The following TANGO6 variants were observed in gnomAD, a reference collection of about 807,000 sequenced individuals.
TANGO6 encodes transport and golgi organization 6 homolog, also known as transport and Golgi organization protein 6 homolog.
TANGO6 carries 90 observed loss-of-function variants against 114.2 expected under a neutral mutation model. The observed-to-expected ratio is 0.79, with a 90% confidence interval of 0.66 to 0.94. TANGO6 has a LOEUF of 0.94. TANGO6 is among the 40% of genes least tolerant of loss of function. TANGO6 has a pLI of 0.00. For synonymous variants in TANGO6, 477 were observed against 509.8 expected (o/e 0.94, Z 0.87); for missense variants, 1,274 against 1,315.3 (o/e 0.97, Z 0.49).
intron 17 of TANGO6, among the ~76,000 whole-genome samples, chr16:69,042,747 T>C (rs1959793283): frequency 6.6e-6 from 1 of 152,162 alleles, no homozygotes; most frequent in Admixed American, 6.6e-5. Flanking sequence ...GAATCCACTG[T>C]ATGAGAGGGA....
intron 7 of TANGO6, 89 bp downstream of exon 7, chr16:68,880,719 C>A: frequency 1.2e-6 from 1 of 856,310 alleles, no homozygotes; most frequent in South Asian, 2.4e-5. Context: ...ATGGTGGGGT[C>A]TCACCACGTT....
chr16:68,865,960 C>T (rs1211196263), intron 3 of TANGO6, among the ~76,000 whole-genome samples: 1 of 151,998 alleles, frequency 6.6e-6, no homozygotes, highest in Non-Finnish European at 1.5e-5. Flanking sequence ...AACTGTGTCA[C>T]AGGAATCAGA....
At chr16:68,978,857 CT>C (rs1300330262) in intron 15 of TANGO6, among the ~76,000 whole-genome samples, 4 of 150,292 alleles carry the variant, frequency 2.7e-5, no homozygotes, top group Non-Finnish European at 4.4e-5. Flanking sequence ...TCAGCAGGAG[CT>C]TTTTTTCTTT....
At chr16:68,909,515 G>T (rs1051283062) in intron 11 of TANGO6, 113 bp downstream of exon 11, 3 of 1,032,556 alleles carry the variant, frequency 2.9e-6, no homozygotes, top group Middle Eastern at 3.4e-4. Flanking sequence ...GGTGTTTCCT[G>T]GAATGCTGGT....
intron 11 of TANGO6, among the ~76,000 whole-genome samples, chr16:68,916,114 A>G (rs1054064306): frequency 1.3e-5 from 2 of 152,192 alleles, no homozygotes; most frequent in African/African-American, 4.8e-5. Flanking sequence ...GCTATATAAA[A>G]TCTTGTCTAG....
rs536677611 is a variant in TANGO6, at chr16:68,866,975, CTTTTTTTT to C, written c.853-86_853-79del. The stretch of plus-strand genomic sequence containing the variant: ...AGTCTGCATATCATAGCTATTTCTC[CTTTTTTTT>C]TTTTTTTTTTTTTTTTTACAGGCAT... On this transcript the variant is annotated intron_variant, in intron 3 of 17. Coordinates refer to ENST00000261778, the MANE Select transcript of TANGO6 (RefSeq NM_024562.2). 1,119 of 227,426 alleles carry C rather than the reference CTTTTTTTT, an allele frequency of 4.9e-3. 14 individuals carry two copies. The highest frequency in any genetic ancestry group is 0.034 in the African/African-American group (1,024 of 30,352). The allele number at this position is 227,426 out of a possible 1,614,324, so 14.1% of individuals were successfully genotyped here. A position where few individuals can be genotyped will look rare whatever the true frequency, so the allele number is the denominator to read the frequency against.
chr16:69,057,918 C>T (rs908110777), intron 17 of TANGO6, among the ~76,000 whole-genome samples: 3 of 152,154 alleles, frequency 2.0e-5, no homozygotes, highest in African/African-American at 7.2e-5. Context: ...CCACAGACTA[C>T]GCGATTCAGC....
chr16:68,875,711 G>T (rs895478196), intron 5 of TANGO6, among the ~76,000 whole-genome samples: 1 of 151,680 alleles, frequency 6.6e-6, no homozygotes, highest in Non-Finnish European at 1.5e-5. Context: ...GGAGGTTGCC[G>T]TGAGCCGAGA....
intron 17 of TANGO6, among the ~76,000 whole-genome samples, chr16:69,045,248 A>G (rs1166578923): frequency 6.8e-6 from 1 of 146,904 alleles, no homozygotes; most frequent in Non-Finnish European, 1.5e-5. Flanking sequence ...AGGTCAGAAG[A>G]TAGAGACCAT....
chr16:69,012,097 C>A (rs1238688870), intron 15 of TANGO6, among the ~76,000 whole-genome samples: 1 of 152,162 alleles, frequency 6.6e-6, no homozygotes, highest in African/African-American at 2.4e-5. Flanking sequence ...GTGCTGACTT[C>A]CTGAGAATAG....
chr16:68,850,043 C>T (rs368488693), intron 1 of TANGO6, among the ~76,000 whole-genome samples: 16 of 149,754 alleles, frequency 1.1e-4, no homozygotes, highest in African/African-American at 3.9e-4. Flanking sequence ...GCTCAATCTC[C>T]GCTCACCACA....
intron 7 of TANGO6, among the ~76,000 whole-genome samples, chr16:68,891,057 C>T (rs1166586105): frequency 3.3e-5 from 5 of 149,760 alleles, no homozygotes; most frequent in Non-Finnish European, 7.4e-5. Context: ...TTTGGGAGGC[C>T]GAGGTGGGGG....
intron 15 of TANGO6, among the ~76,000 whole-genome samples, chr16:68,988,692 C>CTCTTT (rs776428911): frequency 1.5e-4 from 17 of 112,442 alleles, no homozygotes; most frequent in African/African-American, 5.7e-4. Context: ...TTCTCTCTCT[C>CTCTTT]TTTTTTTTTT....
chr16:68,930,792 C>T (rs571029938), intron 14 of TANGO6, among the ~76,000 whole-genome samples: 21 of 152,020 alleles, frequency 1.4e-4, no homozygotes, highest in Admixed American at 6.6e-4. Context: ...CCCGCCACCA[C>T]GCCCAGCTAA....
intron 17 of TANGO6, among the ~76,000 whole-genome samples, chr16:69,060,499 G>T (rs140491348): frequency 1.3e-5 from 2 of 151,832 alleles, no homozygotes; most frequent in African/African-American, 4.8e-5. Context: ...GGAAACTGAG[G>T]CAAGAAGATC....
chr16:68,900,631 T>C, intron 8 of TANGO6, 85 bp downstream of exon 8: 1 of 1,091,840 alleles, frequency 9.2e-7, no homozygotes, highest in Non-Finnish European at 1.3e-6. Context: ...GAATTTATAT[T>C]TGCCACTTTG....
intron 12 of TANGO6, among the ~76,000 whole-genome samples, chr16:68,920,145 G>A (rs1384822255): frequency 3.9e-5 from 6 of 152,218 alleles, no homozygotes; most frequent in South Asian, 2.1e-4. Context: ...AGGGCAGACC[G>A]TCATGAAACT....
At chr16:69,010,823 T>G (rs1964136423) in intron 15 of TANGO6, among the ~76,000 whole-genome samples, 1 of 152,234 alleles carries the variant, frequency 6.6e-6, no homozygotes, top group South Asian at 2.1e-4. Context: ...CATTCAATGT[T>G]TTCATTGAAT....
At chr16:69,047,977 T>TAAGGA (rs1721853420) in intron 17 of TANGO6, among the ~76,000 whole-genome samples, 1 of 152,250 alleles carries the variant, frequency 6.6e-6, no homozygotes, top group South Asian at 2.1e-4. Flanking sequence ...TATTCAGCTT[T>TAAGGA]AGAATTAATT....
Sources: allele counts gnomAD v4.1 joint callset (sites outside exome capture counted in the v4.1 genomes callset), GRCh38; gene constraint gnomAD v4.1.1; transcripts MANE v1.5; gene names NCBI Gene and HGNC (gene_info 2026-07-23, HGNC 2026-07-21).